AGO1: variants seen among roughly 807,000 people sequenced by gnomAD.
AGO1 encodes the protein protein argonaute-1.
A neutral mutation model predicts 109.2 loss-of-function variants in AGO1; 11 were observed. The observed-to-expected ratio is 0.10, with a 90% CI of 0.06 to 0.17. AGO1 has a LOEUF of 0.17. Ranked by LOEUF, AGO1 falls within the 10% of genes least tolerant of loss-of-function variation. The pLI is 1.00. For missense variants in AGO1, 574 were observed against 1,140.3 expected (o/e 0.50, Z 7.15); for synonymous variants, 422 against 418.6 (o/e 1.01, Z -0.10).
In AGO1 at chr1:35,892,629, AAAG is replaced by A; in HGVS notation, c.288_290del (p.Lys96del). ...GTGATCGCAAGCCTGTGTATGATGG[AAAG>A]AAGAACATTTACACTGTCACAGCAC... On this transcript the variant is annotated inframe_deletion, in exon 3 of 19. Coordinates refer to ENST00000373204, the MANE Select transcript of AGO1 (RefSeq NM_012199.5). The A allele has an allele frequency of 6.2e-7, 1 of 1,614,262 alleles. No homozygotes were observed. The highest frequency in any genetic ancestry group is 2.2e-5 in the East Asian group (1 of 44,880).
In AGO1 at chr1:35,893,100, G is replaced by A. The variant is rs766471361; in HGVS notation, c.334G>A (p.Asp112Asn). 6.2e-7 allele frequency: 1 copy of A among 1,613,618 alleles called. No individual in the cohort carries two copies. Among genetic ancestry groups the A allele is most frequent in the Non-Finnish European group, 8.5e-7 (1 of 1,179,832 alleles). Residue 112 changes from aspartate to asparagine, a missense_variant, in exon 4 of 19, where the codon GAC (aspartate) becomes AAC (asparagine). By Grantham distance (23) the Asp-to-Asn change is conservative. Transcript: ENST00000373204. The surrounding 1 kb of genome is among the most constrained non-coding windows in gnomAD (Gnocchi z 5.6). ...CCTTTCTTTCACCCTCCTGAAGGTC[G>A]ACTTTGAGGTGACAATCCCTGGGGA... The part of the protein sequence containing the change: ...TALPIGNERV[D>N]FEVTIPGEGK...
rs183777566 is a variant in AGO1 at position 35,926,844 on chromosome 1, T to C, written c.*7237T>C. On this transcript the variant is annotated 3_prime_UTR_variant, in exon 19 of 19. Transcript: ENST00000373204. ...TCCAGTATATCATACCAAGGTTTTT[T>C]AGGCCTTTGTGGCTTACCCTGCAGG... is the stretch of plus-strand genomic sequence containing the variant. 2.6e-5 allele frequency: 4 copies of C among 152,318 alleles called. No homozygotes were observed. The highest frequency in any genetic ancestry group is 9.6e-5 in the African/African-American group (4 of 41,570). 9.4% of individuals were successfully genotyped at this position (152,318 alleles called of 1,614,324 possible).
At chr1:35,908,720 G>A (rs1254580917) in intron 12 of AGO1, among the ~76,000 whole-genome samples, 2 of 151,638 alleles carry the variant, frequency 1.3e-5, no homozygotes, top group Admixed American at 6.6e-5. Flanking sequence ...AGACAGTCTT[G>A]TCTTTTCGCT....
chr1:35,872,183 A>ATTTTTTTTTT, intron 1 of AGO1, among the ~76,000 whole-genome samples: 1 of 146,542 alleles, frequency 6.8e-6, no homozygotes. Context: ...TAATGACTCA[A>ATTTTTTTTTT]TTTCTTTTTT....
Position 35,922,880 on chromosome 1 carries a change from T to C in AGO1, c.*3273T>C, listed in dbSNP as rs1645859708. ...ACTCCTTGGAGCTGGTTTCTCTCAT[T>C]GCTTTTTCTAAATCTGGTTCTTTTT... On this transcript the variant is annotated 3_prime_UTR_variant, in exon 19 of 19. Coordinates refer to ENST00000373204, the MANE Select transcript of AGO1 (RefSeq NM_012199.5). 6.6e-6 allele frequency: 1 copy of C among 152,372 alleles called. No homozygotes were observed. The highest frequency in any genetic ancestry group is 6.5e-5 in the Admixed American group (1 of 15,290). The allele number at this position is 152,372 out of a possible 1,614,324, so 9.4% of individuals were successfully genotyped here. A position where few individuals can be genotyped will look rare whatever the true frequency, so the allele number is the denominator to read the frequency against.
intron 1 of AGO1, among the ~76,000 whole-genome samples, chr1:35,871,235 T>G (rs1258748292): frequency 2.0e-5 from 3 of 152,126 alleles, no homozygotes; most frequent in Non-Finnish European, 4.4e-5. Context: ...ATTGTGGTCT[T>G]TGTATTTTCC....
intron 2 of AGO1, among the ~76,000 whole-genome samples, chr1:35,891,657 C>T (rs975870261): frequency 6.6e-6 from 1 of 151,940 alleles, no homozygotes; most frequent in Admixed American, 6.6e-5. Context: ...CTCTGCCTCT[C>T]AGGCTCAAGT....
intron 11 of AGO1, among the ~76,000 whole-genome samples, chr1:35,906,579 T>C (rs1167544874): frequency 6.6e-6 from 1 of 151,892 alleles, no homozygotes; most frequent in African/African-American, 2.4e-5. Flanking sequence ...GAGGCTGAGG[T>C]GGGAGGATCA....
chr1:35,898,863 T>C (rs1346817754), intron 8 of AGO1, among the ~76,000 whole-genome samples: 1 of 152,198 alleles, frequency 6.6e-6, no homozygotes, highest in East Asian at 1.9e-4. Context: ...CACAGTTCAT[T>C]CCTTCTTCCG....
intron 7 of AGO1, 105 bp from the exon 8 acceptor site, chr1:35,895,016 GC>G: frequency 1.5e-6 from 2 of 1,366,594 alleles, no homozygotes; most frequent in Non-Finnish European, 2.0e-6. Context: ...TCATATTGGG[GC>G]CAAATGAAAA....
rs1236404859 is a variant in AGO1 at position 35,930,469 on chromosome 1, C to T, written c.*10862C>T. On this transcript the variant is annotated 3_prime_UTR_variant, in exon 19 of 19. Transcript: ENST00000373204. Reference sequence around the variant, plus strand: ...GCCCATTTACGCCGTGCGTTTTCACCCTGGAAAGGAGTTTGGGTTTTCAAG... The same window carrying T: ...GCCCATTTACGCCGTGCGTTTTCACTCTGGAAAGGAGTTTGGGTTTTCAAG... 1.3e-5 allele frequency: 2 copies of T among 152,156 alleles called. No homozygotes were observed. The highest frequency in any genetic ancestry group is 2.4e-5 in the African/African-American group (1 of 41,412). 9.4% of individuals were successfully genotyped at this position (152,156 alleles called of 1,614,324 possible).
chr1:35,919,074 A>G lies in AGO1; in HGVS notation c.2285A>G (p.His762Arg), dbSNP rs1557624574. The change falls in exon 18 of 19, where the codon CAT becomes CGT. Residue 762 changes from histidine to arginine, a missense_variant. Physicochemically the swap from His to Arg is conservative, Grantham distance 29. Around this residue, in one of 8 missense-constraint regions of AGO1, gnomAD observed 62 missense variants for 192.0 expected, o/e 0.32. Transcript: ENST00000373204. The surrounding 1 kb of genome is among the most constrained non-coding windows in gnomAD (Gnocchi z 6.6). ...AGIQGTSRPSHYYVLWDDNRF... is the reference protein window; with the variant it reads ...AGIQGTSRPSRYYVLWDDNRF... ...TCCCAGGGCACCAGCCGACCATCCC[A>G]TTACTATGTTCTTTGGGATGACAAC... 1.9e-6 allele frequency: 3 copies of G among 1,614,042 alleles called. No individual in the cohort carries two copies. The highest frequency in any genetic ancestry group is 1.1e-5 in the South Asian group (1 of 91,078).
At chr1:35,879,428 A>T (rs1330961963), upstream of AGO1, among the ~76,000 whole-genome samples, 1 of 151,376 alleles carries the variant, frequency 6.6e-6, no homozygotes, top group Non-Finnish European at 1.5e-5. Flanking sequence ...AGCCTGGGCA[A>T]CCAGAGCAAA....
In AGO1 at chr1:35,893,399, T is replaced by C. The variant is rs1645258335; in HGVS notation, c.512+121T>C. ...TAAAAAAAAAAATTATTTGAAGCCC[T>C]ACCACTTGCCAGGCAAATGTGTATT... On this transcript the variant is annotated intron_variant, in intron 4 of 18. Transcript: ENST00000373204. The surrounding 1 kb of genome is among the most constrained non-coding windows in gnomAD (Gnocchi z 5.6). The C allele has an allele frequency of 3.2e-5, 36 of 1,117,008 alleles. No homozygotes were observed. The highest frequency in any genetic ancestry group is 4.3e-5 in the Non-Finnish European group (34 of 795,290). The allele number at this position is 1,117,008 out of a possible 1,614,324, so 69.2% of individuals were successfully genotyped here.
chr1:35,908,722 CT>C (rs1425918666), intron 12 of AGO1, among the ~76,000 whole-genome samples: 1 of 152,016 alleles, frequency 6.6e-6, no homozygotes, highest in Admixed American at 6.6e-5. Flanking sequence ...ACAGTCTTGT[CT>C]TTTCGCTTCA....
chr1:35,893,889 C>A lies in AGO1; in HGVS notation c.649+79C>A. ...CCCAGCCTCATCCCTCCCAGCTCTGCAACCACACTCCTAGTCTAATTCCTA... is the reference window on the plus strand; with the variant it reads ...CCCAGCCTCATCCCTCCCAGCTCTGAAACCACACTCCTAGTCTAATTCCTA... On this transcript the variant is annotated intron_variant, in intron 5 of 18. Coordinates refer to ENST00000373204, the MANE Select transcript of AGO1 (RefSeq NM_012199.5). This position sits in a 1 kb window ranked among gnomAD's most constrained non-coding sequence, Gnocchi z 5.6. 6.4e-7 allele frequency: 1 copy of A among 1,555,116 alleles called. No homozygotes were observed. Among genetic ancestry groups the A allele is most frequent in the South Asian group, 1.2e-5 (1 of 82,528 alleles).
At chr1:35,914,150 C>G in intron 13 of AGO1, 34 bp from the exon 14 acceptor site, 1 of 1,604,824 alleles carries the variant, frequency 6.2e-7, no homozygotes, top group Non-Finnish European at 8.5e-7. Context: ...GAAGACCCAG[C>G]GCCTCACCAT....
At chr1:35,878,725 A>C (rs1645011669), upstream of AGO1, among the ~76,000 whole-genome samples, 1 of 152,248 alleles carries the variant, frequency 6.6e-6, no homozygotes, top group African/African-American at 2.4e-5. Context: ...CATACAAATC[A>C]CATACATCTC....
intron 1 of AGO1, among the ~76,000 whole-genome samples, chr1:35,885,246 G>A (rs1645101961): frequency 6.6e-6 from 1 of 152,168 alleles, no homozygotes; most frequent in East Asian, 1.9e-4. Flanking sequence ...GAGTAGTGGG[G>A]TAGGTCATTG....
Sources: gnomAD v4.1 joint callset for allele counts (sites outside exome capture counted in the v4.1 genomes callset) on GRCh38, gnomAD v4.1.1 for gene constraint, gnomAD v4.1.1 regional missense constraint, Gnocchi (gnomAD v3.1) non-coding constraint, MANE v1.5 for transcripts, NCBI Gene and HGNC (gene_info 2026-07-23, HGNC 2026-07-21) for gene names.